The following RMND5A variants were observed in gnomAD, a reference collection of about 807,000 sequenced individuals.
RMND5A encodes the protein E3 ubiquitin-protein transferase RMND5A.
In RMND5A, 17 loss-of-function variants were observed where a neutral mutation model predicts 49.7. That is an observed-to-expected ratio of 0.34 (90% CI 0.23 to 0.51). The LOEUF (loss-of-function observed/expected upper bound fraction) is 0.51. RMND5A is among the 20% of genes least tolerant of loss of function. The probability of loss-of-function intolerance (pLI) is 0.96; values close to 1 mark genes in which losing one functional copy is unlikely to be tolerated. For synonymous variants in RMND5A, 156 were observed against 167.7 expected (o/e 0.93, Z 0.54); for missense variants, 255 against 471.3 (o/e 0.54, Z 4.25).
At chr2:86,753,271 C>T (rs1181191519) in intron 3 of RMND5A, among the ~76,000 whole-genome samples, 187 bp from the exon 4 acceptor site, 1 of 152,156 alleles carries the variant, frequency 6.6e-6, no homozygotes, top group Non-Finnish European at 1.5e-5. Context: ...ATGTACCCTG[C>T]TGAAATTTGG....
Position 86,775,578 on chromosome 2 carries a change from T to C in RMND5A, c.*2167T>C, listed in dbSNP as rs1254884057. 6.6e-6 allele frequency: 1 copy of C among 152,054 alleles called. No homozygotes were observed. Among genetic ancestry groups the C allele is most frequent in the East Asian group, 1.9e-4 (1 of 5,160 alleles). The allele number at this position is 152,054 out of a possible 1,614,324, so 9.4% of individuals were successfully genotyped here. On this transcript the variant is annotated 3_prime_UTR_variant, in exon 9 of 9. Coordinates refer to ENST00000283632, the MANE Select transcript of RMND5A (RefSeq NM_022780.4). ...CCCAGTGCTGGGAGCCAAAAAACTG[T>C]TGACGGTTTTTTGTGCAGCTCAAGA...
At chr2:86,767,360 C>A (rs552159294) in intron 6 of RMND5A, among the ~76,000 whole-genome samples, 9 of 152,108 alleles carry the variant, frequency 5.9e-5, no homozygotes, top group African/African-American at 2.2e-4. Context: ...ACCGCACCAG[C>A]CTTGGAATAG....
At chr2:86,766,779 A>C (rs552426513) in intron 6 of RMND5A, among the ~76,000 whole-genome samples, 1 of 152,214 alleles carries the variant, frequency 6.6e-6, no homozygotes, top group African/African-American at 2.4e-5. Context: ...TCTTGAGGCC[A>C]GGAATTCAAG....
At chr2:86,728,911 C>A (rs1681312036) in intron 1 of RMND5A, among the ~76,000 whole-genome samples, 1 of 151,514 alleles carries the variant, frequency 6.6e-6, no homozygotes, top group Admixed American at 6.6e-5. Flanking sequence ...TGCCACCAGG[C>A]CTGACTATTT....
intron 2 of RMND5A, among the ~76,000 whole-genome samples, chr2:86,747,550 C>A (rs1046853392): frequency 2.0e-5 from 3 of 152,120 alleles, no homozygotes; most frequent in Non-Finnish European, 4.4e-5. Flanking sequence ...GAAATTAATT[C>A]CTGGTAGGTG....
At position 86,777,250 on chromosome 2, in the gene RMND5A, T is replaced by C. The variant is rs1278496656; in HGVS notation, c.*3839T>C. On this transcript the variant is annotated 3_prime_UTR_variant, in exon 9 of 9. Transcript: ENST00000283632. ...ACAGCACATGCTTTGTTTCATGTTATGGGTGAGGACCTACATACACTCTTA... is the reference window on the plus strand; with the variant it reads ...ACAGCACATGCTTTGTTTCATGTTACGGGTGAGGACCTACATACACTCTTA... The C allele has an allele frequency of 6.6e-6, 1 of 152,238 alleles. No homozygotes were observed. Among genetic ancestry groups the C allele is most frequent in the Non-Finnish European group, 1.5e-5 (1 of 68,044 alleles). 9.4% of individuals were successfully genotyped at this position (152,238 alleles called of 1,614,324 possible). A position where few individuals can be genotyped will look rare whatever the true frequency, so the allele number is the denominator to read the frequency against.
At chr2:86,767,563 G>A (rs779074570) in intron 6 of RMND5A, among the ~76,000 whole-genome samples, 3 of 151,936 alleles carry the variant, frequency 2.0e-5, no homozygotes, top group Non-Finnish European at 4.4e-5. Context: ...GTACAGTTGT[G>A]TGCCACATCA....
At chr2:86,732,704 A>C (rs1681354206) in intron 1 of RMND5A, among the ~76,000 whole-genome samples, 1 of 147,886 alleles carries the variant, frequency 6.8e-6, no homozygotes. Context: ...GAGATGTTTC[A>C]TTGCATCTTT....
intron 3 of RMND5A, among the ~76,000 whole-genome samples, 161 bp from the exon 4 acceptor site, chr2:86,753,297 A>C (rs769122015): frequency 3.9e-5 from 6 of 152,202 alleles, no homozygotes; most frequent in Non-Finnish European, 5.9e-5. Flanking sequence ...CTACTATGGA[A>C]AAGAGGGGAA....
chr2:86,747,242 C>T (rs1387853769), intron 2 of RMND5A, among the ~76,000 whole-genome samples: 1 of 152,152 alleles, frequency 6.6e-6, no homozygotes, highest in African/African-American at 2.4e-5. Context: ...TCTAGTTGTA[C>T]TAATTTTGCC....
chr2:86,777,964 G>A lies in RMND5A; in HGVS notation c.*4553G>A, dbSNP rs1672797221. The A allele has an allele frequency of 6.6e-6, 1 of 152,168 alleles. No individual in the cohort carries two copies. Among genetic ancestry groups the A allele is most frequent in the African/African-American group, 2.4e-5 (1 of 41,418 alleles). 9.4% of individuals were successfully genotyped at this position (152,168 alleles called of 1,614,324 possible). On this transcript the variant is annotated 3_prime_UTR_variant, in exon 9 of 9. Transcript: ENST00000283632. ...AAACTATAAGAAATGCTTTGTTAAT[G>A]TGTGTATTCCTATGTAAAACACATG...
At chr2:86,752,136 G>T (rs1681646767) in intron 3 of RMND5A, 106 bp downstream of exon 3, 1 of 983,024 alleles carries the variant, frequency 1.0e-6, no homozygotes, top group Non-Finnish European at 1.4e-6. Context: ...GCTATAGATA[G>T]ATTTTTAATA....
At chr2:86,727,928 A>C (rs991191156) in intron 1 of RMND5A, among the ~76,000 whole-genome samples, 3 of 64,676 alleles carry the variant, frequency 4.6e-5, no homozygotes, top group Non-Finnish European at 9.3e-5. Flanking sequence ...CTGAGCTCAA[A>C]ATGGTTGTTT....
chr2:86,768,982 G>C (rs1432615929), intron 6 of RMND5A, among the ~76,000 whole-genome samples: 1 of 152,154 alleles, frequency 6.6e-6, no homozygotes, highest in East Asian at 1.9e-4. Flanking sequence ...GTCTCATTCT[G>C]TTGCCCAGGT....
At chr2:86,765,298 T>C in intron 5 of RMND5A, 105 bp downstream of exon 5, 1 of 979,052 alleles carries the variant, frequency 1.0e-6, no homozygotes, top group Non-Finnish European at 1.5e-6. Context: ...CAGTAAACAG[T>C]TGTAGTTGAT....
intron 5 of RMND5A, chr2:86,765,543 G>A: frequency 2.8e-6 from 1 of 362,380 alleles, no homozygotes; most frequent in Non-Finnish European, 5.0e-6. Context: ...ACGAAACTGT[G>A]TAGGAAACAT....
intron 1 of RMND5A, among the ~76,000 whole-genome samples, chr2:86,725,339 AC>A (rs1681272985): frequency 1.4e-5 from 2 of 146,094 alleles, no homozygotes; most frequent in Non-Finnish European, 3.0e-5. Flanking sequence ...TTGTTCCTGG[AC>A]CACCTGGTTG....
Position 86,763,553 on chromosome 2 carries a change from G to A in RMND5A, c.522-1474G>A, listed in dbSNP as rs149577608. Among the ~76,000 whole-genome samples the A allele has an allele frequency of 4.1e-3, 618 of 152,294 alleles. 1 individual carries two copies. The highest frequency in any genetic ancestry group is 0.014 in the African/African-American group (594 of 41,568). Reference sequence around the variant, plus strand: ...GCAGCACTTTGGGAAGCTGAGGCGGGAGGATCACTTGAGCCCAGGAGTTCA... The same window carrying A: ...GCAGCACTTTGGGAAGCTGAGGCGGAAGGATCACTTGAGCCCAGGAGTTCA... On this transcript the variant is annotated intron_variant, in intron 4 of 8. Coordinates refer to ENST00000283632, the MANE Select transcript of RMND5A (RefSeq NM_022780.4).
intron 7 of RMND5A, among the ~76,000 whole-genome samples, chr2:86,771,122 C>A (rs1672679651): frequency 1.3e-5 from 2 of 151,776 alleles, no homozygotes; most frequent in South Asian, 4.1e-4. Context: ...AAGTAGCACT[C>A]CTGCTCTACT....
Sources: allele counts gnomAD v4.1 joint callset (sites outside exome capture counted in the v4.1 genomes callset), GRCh38; gene constraint gnomAD v4.1.1; transcripts MANE v1.5; gene names NCBI Gene and HGNC (gene_info 2026-07-23, HGNC 2026-07-21).